GRAMD2B: variants seen among roughly 807,000 people sequenced by gnomAD.
GRAMD2B encodes the protein GRAM domain containing 2B, also known as GRAM domain-containing protein 2B.
In GRAMD2B, 41 loss-of-function variants were observed where a neutral mutation model predicts 59.2. That is an observed-to-expected ratio of 0.69 (90% CI 0.54 to 0.90). GRAMD2B has a LOEUF of 0.90. GRAMD2B is among the 40% of genes least tolerant of loss of function. The pLI is 0.00. For missense variants in GRAMD2B, 424 were observed against 500.5 expected (o/e 0.85, Z 1.46); for synonymous variants, 161 against 182.7 (o/e 0.88, Z 0.96).
chr5:126,489,388 T>G (rs1406225329), intron 13 of GRAMD2B, among the ~76,000 whole-genome samples: 5 of 152,206 alleles, frequency 3.3e-5, no homozygotes, highest in African/African-American at 4.8e-5. Flanking sequence ...TCAAATTAGC[T>G]TGCTGAAGGT....
At chr5:126,485,882 T>C in intron 11 of GRAMD2B, 109 bp downstream of exon 11, 1 of 663,366 alleles carries the variant, frequency 1.5e-6, no homozygotes, top group Non-Finnish European at 2.5e-6. Flanking sequence ...GTCTGAAATG[T>C]GACCTACATC....
Position 126,494,041 on chromosome 5 carries a change from T to G in GRAMD2B, c.*1085T>G, listed in dbSNP as rs1045489956. On this transcript the variant is annotated 3_prime_UTR_variant, in exon 14 of 14. Transcript: ENST00000285689. ...TCATTTCTATGAAATGTATTTTATT[T>G]AATCAGATAAGCTAATAAGCGAATT... 1 of 152,690 alleles carries G rather than the reference T, an allele frequency of 6.5e-6. No individual in the cohort carries two copies. The highest frequency in any genetic ancestry group is 1.5e-5 in the Non-Finnish European group (1 of 68,048). 9.5% of individuals were successfully genotyped at this position (152,690 alleles called of 1,614,324 possible). A position where few individuals can be genotyped will look rare whatever the true frequency, so the allele number is the denominator to read the frequency against.
intron 1 of GRAMD2B, among the ~76,000 whole-genome samples, chr5:126,451,178 A>G (rs1163903798): frequency 6.6e-6 from 1 of 152,276 alleles, no homozygotes; most frequent in Admixed American, 6.5e-5. Context: ...TTGGGAGCCC[A>G]CTCCTTGCAC....
chr5:126,433,975 T>G (rs965589676), intron 1 of GRAMD2B: 4 of 152,192 alleles, frequency 2.6e-5, no homozygotes, highest in African/African-American at 9.7e-5. Context: ...CTTTTGAGAG[T>G]GAATTCAGGT....
At chr5:126,451,047 T>TAG (rs534487913) in intron 1 of GRAMD2B, among the ~76,000 whole-genome samples, 40 of 152,294 alleles carry the variant, frequency 2.6e-4, no homozygotes, top group African/African-American at 9.6e-4. Context: ...CCCAGAATGG[T>TAG]AGAGCCTCTG....
At chr5:126,378,141 A>T (rs1375610580) in intron 1 of GRAMD2B, among the ~76,000 whole-genome samples, 1 of 152,228 alleles carries the variant, frequency 6.6e-6, no homozygotes, top group Non-Finnish European at 1.5e-5. Flanking sequence ...TATGTGTCAC[A>T]TAGTAGATTA....
intron 1 of GRAMD2B, among the ~76,000 whole-genome samples, chr5:126,394,085 C>T (rs899861212): frequency 1.4e-4 from 21 of 151,984 alleles, no homozygotes; most frequent in East Asian, 1.4e-3. Flanking sequence ...CCATCCTGGC[C>T]AACACGGTGA....
At chr5:126,410,867 T>C (rs1758720747) in intron 1 of GRAMD2B, among the ~76,000 whole-genome samples, 1 of 152,136 alleles carries the variant, frequency 6.6e-6, no homozygotes. Context: ...ATGTCAGTGA[T>C]GTGGAACGTT....
chr5:126,462,074 G>C (rs1767480616), intron 1 of GRAMD2B, among the ~76,000 whole-genome samples: 2 of 152,154 alleles, frequency 1.3e-5, no homozygotes, highest in South Asian at 4.1e-4. Flanking sequence ...ACAAAGCTCT[G>C]AGCACCCTGA....
At position 126,486,058 on chromosome 5, in the gene GRAMD2B, T is replaced by C. The variant is rs144359437; in HGVS notation, c.1058+285T>C. ...AGCATCTTTACCCTTGTTATTTTTTTTACCTTATTTTTTTAATTGACATAT... is the reference window on the plus strand; with the variant it reads ...AGCATCTTTACCCTTGTTATTTTTTCTACCTTATTTTTTTAATTGACATAT... On this transcript the variant is annotated intron_variant, in intron 11 of 13. Coordinates refer to ENST00000285689, the MANE Select transcript of GRAMD2B (RefSeq NM_023927.4). 5.2e-4 allele frequency among the ~76,000 whole-genome samples: 79 copies of C among 152,326 alleles called. No individual in the cohort carries two copies. In the Middle Eastern group the frequency reaches 0.02, roughly 39 times the overall value.
chr5:126,383,527 T>C (rs1037739150), intron 1 of GRAMD2B, among the ~76,000 whole-genome samples: 4 of 152,216 alleles, frequency 2.6e-5, no homozygotes, highest in Non-Finnish European at 5.9e-5. Flanking sequence ...GGCATTACTT[T>C]ATAAACCTTG....
At chr5:126,490,917 G>A (rs1235857343) in intron 13 of GRAMD2B, among the ~76,000 whole-genome samples, 1 of 152,168 alleles carries the variant, frequency 6.6e-6, no homozygotes, top group East Asian at 1.9e-4. Context: ...ACCTGCCACT[G>A]GTTGACTAGT....
At chr5:126,455,968 G>C (rs759135064) in intron 1 of GRAMD2B, among the ~76,000 whole-genome samples, 1 of 152,120 alleles carries the variant, frequency 6.6e-6, no homozygotes, top group African/African-American at 2.4e-5. Context: ...TCCCAATAAA[G>C]CCTAAATCCT....
chr5:126,481,418 T>A (rs760907386), intron 8 of GRAMD2B, among the ~76,000 whole-genome samples: 1 of 152,114 alleles, frequency 6.6e-6, no homozygotes, highest in Non-Finnish European at 1.5e-5. Context: ...AACCATACCA[T>A]TCAAATGATT....
intron 1 of GRAMD2B, among the ~76,000 whole-genome samples, chr5:126,374,460 G>T (rs146325012): frequency 6.6e-6 from 1 of 152,042 alleles, no homozygotes; most frequent in Non-Finnish European, 1.5e-5. Flanking sequence ...TACTCCAGAC[G>T]CTGATCTTTT....
intron 1 of GRAMD2B, among the ~76,000 whole-genome samples, chr5:126,389,268 C>T (rs114633890): frequency 0.011 from 1,656 of 152,232 alleles, 18 homozygotes; most frequent in Non-Finnish European, 0.019. Context: ...AACTACCTAC[C>T]ACATATAAGC....
At chr5:126,440,803 T>G (rs771937940) in intron 1 of GRAMD2B, among the ~76,000 whole-genome samples, 1 of 152,184 alleles carries the variant, frequency 6.6e-6, no homozygotes, top group African/African-American at 2.4e-5. Context: ...CGTTCTGTAT[T>G]AGATTAATGA....
At chr5:126,394,360 T>C (rs912916932) in intron 1 of GRAMD2B, among the ~76,000 whole-genome samples, 2 of 151,818 alleles carry the variant, frequency 1.3e-5, no homozygotes, top group Non-Finnish European at 1.5e-5. Flanking sequence ...AGGGCATGAG[T>C]ATCAGTTCAG....
At chr5:126,463,526 G>A (rs1767743599) in intron 1 of GRAMD2B, among the ~76,000 whole-genome samples, 1 of 152,024 alleles carries the variant, frequency 6.6e-6, no homozygotes, top group Non-Finnish European at 1.5e-5. Flanking sequence ...CCAAAACAGG[G>A]TTTTCCTAAT....
Sources: allele counts gnomAD v4.1 joint callset (sites outside exome capture counted in the v4.1 genomes callset), GRCh38; gene constraint gnomAD v4.1.1; transcripts MANE v1.5; gene names NCBI Gene and HGNC (gene_info 2026-07-23, HGNC 2026-07-21).